The following ARHGEF40 variants were observed in gnomAD, a reference collection of about 807,000 sequenced individuals.
ARHGEF40 encodes the protein Rho guanine nucleotide exchange factor (GEF) 40.
In ARHGEF40, 98 loss-of-function variants were observed where a neutral mutation model predicts 165.9. The ratio of observed to expected loss-of-function variants is 0.59; its 90% CI spans 0.50 to 0.70. The LOEUF (loss-of-function observed/expected upper bound fraction) is 0.70. Ranked by LOEUF, ARHGEF40 falls within the 30% of genes least tolerant of loss-of-function variation. The probability of loss-of-function intolerance (pLI) is 0.00; values close to 1 mark genes in which losing one functional copy is unlikely to be tolerated. For missense variants in ARHGEF40, 1,815 were observed against 1,968.0 expected, an observed-to-expected ratio of 0.92 and a Z score of 1.47; for synonymous variants, 792 against 814.3, an observed-to-expected ratio of 0.97 and a Z score of 0.47.
chr14:21,081,564 G>T lies in ARHGEF40; in HGVS notation c.2696G>T (p.Arg899Leu). The change falls in exon 14 of 24, where the codon CGG becomes CTG. Residue 899 changes from arginine (R) to leucine (L), a missense_variant. Coordinates refer to ENST00000298694, the MANE Select transcript of ARHGEF40 (RefSeq NM_018071.5). ...CGGCTGGCAGGAGCTGGGCCGGGTC[G>T]GGAGGCTGTGCTGGCTGCACTGGCC... ...FARLAGAGPG[R>L]EAVLAALALR... 6.2e-7 allele frequency: 1 copy of T among 1,612,658 alleles called. No individual in the cohort carries two copies. The highest frequency in any genetic ancestry group is 1.1e-5 in the South Asian group (1 of 91,020).
In ARHGEF40 at chr14:21,078,883, G is replaced by C. The variant is rs1887649592; in HGVS notation, c.2247-1G>C. ...TTCATTCTTCTCTGCTCCTTCCCAAGGCTGGAGGGCCAAGGCCCAGCTACA... is the reference window on the plus strand; with the variant it reads ...TTCATTCTTCTCTGCTCCTTCCCAACGCTGGAGGGCCAAGGCCCAGCTACA... On this transcript the variant is annotated splice_acceptor_variant, in intron 10 of 23. Coordinates refer to ENST00000298694, the MANE Select transcript of ARHGEF40 (RefSeq NM_018071.5). LOFTEE classifies it high-confidence loss of function. 6.2e-7 allele frequency: 1 copy of C among 1,611,934 alleles called. No homozygotes were observed. Among genetic ancestry groups the C allele is most frequent in the Admixed American group, 1.7e-5 (1 of 59,966 alleles).
chr14:21,079,441 C>T (rs552122554), intron 11 of ARHGEF40, among the ~76,000 whole-genome samples: 1 of 152,320 alleles, frequency 6.6e-6, no homozygotes, highest in East Asian at 1.9e-4. Context: ...GTCCCACCTC[C>T]CTCTCCCTTG....
upstream of ARHGEF40, among the ~76,000 whole-genome samples, chr14:21,067,110 T>C (rs1014114400): frequency 1.3e-5 from 2 of 152,152 alleles, no homozygotes. Context: ...CTCCATAAGA[T>C]GGCAGTCATA....
In ARHGEF40 at chr14:21,084,756, G is replaced by T; in HGVS notation, c.3793G>T (p.Asp1265Tyr). The T allele has an allele frequency of 6.2e-7, 1 of 1,612,824 alleles. No homozygotes were observed. Among genetic ancestry groups the T allele is most frequent in the East Asian group, 2.2e-5 (1 of 44,886 alleles). ...AVEAVRGCEI[D>Y]LKEQGQLLHR... ...CTTTTCCTTTTCCTTTCTCCAGATA[G>T]ATCTGAAGGAGCAGGGACAGCTCTT... The change falls in exon 18 of 24, where the codon GAT becomes TAT. Residue 1265 changes from aspartate to tyrosine, a missense_variant. Asp to Tyr is a radical substitution (Grantham distance 160, BLOSUM62 -3). Transcript: ENST00000298694.
At position 21,073,252 on chromosome 14, in the gene ARHGEF40, C is replaced by T. The variant is rs1161915891; in HGVS notation, c.201+10C>T. On this transcript the variant is annotated intron_variant, in intron 2 of 23. Coordinates refer to ENST00000298694, the MANE Select transcript of ARHGEF40 (RefSeq NM_018071.5). This position sits in a 1 kb window ranked among gnomAD's most constrained non-coding sequence, Gnocchi z 4.6. Reference sequence around the variant, plus strand: ...CCAGCAGGAAGCCTGTGTGAGTGGCCGTGCATCACTATTCTGCCTTCCCCA... The same window carrying T: ...CCAGCAGGAAGCCTGTGTGAGTGGCTGTGCATCACTATTCTGCCTTCCCCA... The T allele has an allele frequency of 5.7e-6, 9 of 1,592,600 alleles. No individual in the cohort carries two copies. Among genetic ancestry groups the T allele is most frequent in the East Asian group, 2.3e-5 (1 of 43,652 alleles).
upstream of ARHGEF40, among the ~76,000 whole-genome samples, chr14:21,067,241 T>C (rs1433997037): frequency 6.6e-6 from 1 of 151,812 alleles, no homozygotes; most frequent in Non-Finnish European, 1.5e-5. Context: ...TCTTCGGAAT[T>C]ATTTTAACTA....
intron 15 of ARHGEF40, 68 bp from the exon 16 acceptor site, chr14:21,082,762 AG>A: frequency 6.7e-7 from 1 of 1,491,648 alleles, no homozygotes; most frequent in African/African-American, 1.4e-5. Flanking sequence ...GAGGATAGAG[AG>A]GGGGAAGAGA....
chr14:21,084,860 G>C lies in ARHGEF40; in HGVS notation c.3897G>C (p.Leu1299=), dbSNP rs1218712133. The C allele has an allele frequency of 6.2e-7, 1 of 1,614,170 alleles. No homozygotes were observed. The highest frequency in any genetic ancestry group is 8.5e-7 in the Non-Finnish European group (1 of 1,180,028). ...TCTTTCTCTTCGAGCATCTCCTCCTGTTCAGCAAGCTCAAGGGCCCTGAAG... is the reference window on the plus strand; with the variant it reads ...TCTTTCTCTTCGAGCATCTCCTCCTCTTCAGCAAGCTCAAGGGCCCTGAAG... ...RHVFLFEHLL[L]FSKLKGPEGG... is the part of the protein sequence containing the mutation. The change falls in exon 18 of 24, where the codon CTG becomes CTC. Residue 1299 remains leucine (L), a synonymous_variant. Coordinates refer to ENST00000298694, the MANE Select transcript of ARHGEF40 (RefSeq NM_018071.5).
At chr14:21,071,859 T>G (rs2139200380) in intron 1 of ARHGEF40, among the ~76,000 whole-genome samples, 1 of 152,214 alleles carries the variant, frequency 6.6e-6, no homozygotes, top group South Asian at 2.1e-4. Flanking sequence ...TGGGGCCGGG[T>G]CTGCGCGCTG....
At chr14:21,064,752 TCAA>T in the ARHGEF40 span, among the ~76,000 whole-genome samples, 106 of 152,324 alleles carry the variant, frequency 7.0e-4, no homozygotes, top group Non-Finnish European at 1.2e-3. Context: ...GGTTTGTACA[TCAA>T]CAAAGTCCAT....
upstream of ARHGEF40, among the ~76,000 whole-genome samples, chr14:21,065,927 T>C (rs1439793163): frequency 6.6e-6 from 1 of 152,126 alleles, no homozygotes; most frequent in African/African-American, 2.4e-5. Context: ...GGTGAAACCC[T>C]GTCTTTACTA....
upstream of ARHGEF40, among the ~76,000 whole-genome samples, chr14:21,069,021 CCTCCAGCTGCAGGGGCA>C (rs1886457961): frequency 6.6e-6 from 1 of 152,248 alleles, no homozygotes; most frequent in Non-Finnish European, 1.5e-5. Context: ...TCATCATCGC[CCTCCAGCTGCAGGGGCA>C]CACGCGTTCA....
Position 21,080,692 on chromosome 14 carries a change from G to A in ARHGEF40, c.2406G>A (p.Glu802=). Residue 802 remains glutamate (E), a synonymous_variant, in exon 12 of 24, where the codon GAG becomes GAA. Transcript: ENST00000298694. ...AGTGGCTCTCGGGCCCAGGGGAGGA[G>A]CAGCTGGCAAGCTTTGCTATGCCTG... ...VLQWLSGPGE[E]QLASFAMPGD... 2 of 1,611,798 alleles carry A rather than the reference G, an allele frequency of 1.2e-6. No homozygotes were observed. Among genetic ancestry groups the A allele is most frequent in the South Asian group, 1.1e-5 (1 of 90,784 alleles).
chr14:21,073,895 C>A lies in ARHGEF40; in HGVS notation c.202-37C>A, dbSNP rs1376373855. ...TGCCCTCTCCTGCTGGTTTCTTCAG[C>A]AGAGGCCTGAGTGCAGCCTCCCACC... is the stretch of plus-strand genomic sequence containing the variant. On this transcript the variant is annotated intron_variant, in intron 2 of 23. Coordinates refer to ENST00000298694, the MANE Select transcript of ARHGEF40 (RefSeq NM_018071.5). This position sits in a 1 kb window ranked among gnomAD's most constrained non-coding sequence, Gnocchi z 4.6. 20 of 1,561,380 alleles carry A rather than the reference C, an allele frequency of 1.3e-5. No individual in the cohort carries two copies. Among genetic ancestry groups the A allele is most frequent in the Non-Finnish European group, 1.7e-5 (20 of 1,158,760 alleles).
chr14:21,079,554 G>A (rs760323181), intron 11 of ARHGEF40, among the ~76,000 whole-genome samples: 4 of 152,078 alleles, frequency 2.6e-5, no homozygotes, highest in Non-Finnish European at 4.4e-5. Context: ...CTTCTCTCCT[G>A]GGGTTAAGAG....
rs745398240 is a variant in ARHGEF40 at position 21,074,466 on chromosome 14, T to C, written c.736T>C (p.Leu246=). Residue 246 remains leucine, a synonymous_variant, in exon 3 of 24, where the codon TTA becomes CTA. Coordinates refer to ENST00000298694, the MANE Select transcript of ARHGEF40 (RefSeq NM_018071.5). The surrounding 1 kb of genome is among the most constrained non-coding windows in gnomAD (Gnocchi z 4.8). ...EGPEGEYVEL[L]EVTLPVRGSP... ...ACCTGAGGGCGAGTATGTGGAGCTG[T>C]TAGAGGTGACGCTGCCCGTGAGGGG... The C allele has an allele frequency of 3.8e-6, 6 of 1,583,734 alleles. No individual in the cohort carries two copies. The South Asian group carries it at 5.7e-5, about 15-fold the overall frequency.
intron 19 of ARHGEF40, 26 bp downstream of exon 19, chr14:21,085,892 G>T (rs1566538930): frequency 1.2e-6 from 2 of 1,611,236 alleles, no homozygotes; most frequent in Admixed American, 1.7e-5. Flanking sequence ...GAGGAAGGGG[G>T]TGCTTGGAGT....
At chr14:21,066,324 TG>T (rs1886261940), upstream of ARHGEF40, among the ~76,000 whole-genome samples, 1 of 143,886 alleles carries the variant, frequency 6.9e-6, no homozygotes, top group Non-Finnish European at 1.5e-5. Context: ...GTGTTTTTTT[TG>T]TTTTTTTTTT....
At chr14:21,079,389 A>T (rs1187625565) in intron 11 of ARHGEF40, among the ~76,000 whole-genome samples, 1 of 151,470 alleles carries the variant, frequency 6.6e-6, no homozygotes, top group African/African-American at 2.4e-5. Flanking sequence ...CACACCCTTA[A>T]CTCCTTATGC....
Sources: allele counts gnomAD v4.1 joint callset (sites outside exome capture counted in the v4.1 genomes callset), GRCh38; gene constraint gnomAD v4.1.1; non-coding constraint Gnocchi (gnomAD v3.1); transcripts MANE v1.5; gene names NCBI Gene and HGNC (gene_info 2026-07-23, HGNC 2026-07-21).